The following MYL3 variants were observed in gnomAD, a reference collection of about 807,000 sequenced individuals.
MYL3 encodes CMLC1.
Under a neutral mutation model 21.3 loss-of-function variants are expected in MYL3, and 11 were observed. The observed-to-expected ratio is 0.52, with a 90% CI of 0.32 to 0.85. MYL3 has a LOEUF of 0.85. MYL3 is among the 40% of genes least tolerant of loss of function. The pLI, the probability that MYL3 is intolerant of heterozygous loss-of-function variation, is 0.03. For missense variants in MYL3, 206 were observed against 253.3 expected (o/e 0.81, Z 1.27); for synonymous variants, 88 against 91.6 (o/e 0.96, Z 0.22).
chr3:46,862,424 A>C (rs1250533324), intron 1 of MYL3, among the ~76,000 whole-genome samples: 1 of 152,196 alleles, frequency 6.6e-6, no homozygotes. Context: ...GTCTCTGGGA[A>C]GGGCTCATGA....
In MYL3 at chr3:46,859,354, GCTCC is replaced by G; in HGVS notation, c.481+117_481+120del. 1 of 1,283,814 alleles carries G rather than the reference GCTCC, an allele frequency of 7.8e-7. No individual in the cohort carries two copies. The highest frequency in any genetic ancestry group is 2.7e-4 in the Middle Eastern group (1 of 3,742). The allele number at this position is 1,283,814 out of a possible 1,614,324, so 79.5% of individuals were successfully genotyped here. ...AACATTTCTGTTGTCTGCCATTGAG[GCTCC>G]CTAATTATGTAACTCTCTCCATTTC... On this transcript the variant is annotated intron_variant, in intron 4 of 6. Transcript: ENST00000292327. This position sits in a 1 kb window ranked among gnomAD's most constrained non-coding sequence, Gnocchi z 4.1.
intron 1 of MYL3, among the ~76,000 whole-genome samples, chr3:46,877,999 C>A (rs563291508): frequency 5.3e-5 from 8 of 152,336 alleles, no homozygotes; most frequent in Non-Finnish European, 8.8e-5. Flanking sequence ...GGTGTTATGA[C>A]AGCAGGGGGC....
intron 1 of MYL3, among the ~76,000 whole-genome samples, chr3:46,875,806 CAGGGAGCCCCAA>C (rs1451556044): frequency 6.6e-6 from 1 of 152,234 alleles, no homozygotes; most frequent in Admixed American, 6.5e-5. Flanking sequence ...TTCTGAACCT[CAGGGAGCCCCAA>C]AGGGTTTATG....
rs1488662299 is a variant in MYL3, at chr3:46,859,751, T to A, written c.308-103A>T. The A allele has an allele frequency of 2.3e-6, 3 of 1,308,086 alleles. No homozygotes were observed. Among genetic ancestry groups the A allele is most frequent in the African/African-American group, 2.9e-5 (2 of 68,754 alleles). The allele number at this position is 1,308,086 out of a possible 1,614,324, so 81.0% of individuals were successfully genotyped here. On this transcript the variant is annotated intron_variant, in intron 3 of 6. Transcript: ENST00000292327. The surrounding 1 kb of genome is among the most constrained non-coding windows in gnomAD (Gnocchi z 4.1). ...GCTATCCCCACCTCTCACACAGTTCTACAACAGTCTACACCAGTTCTCACA... is the reference window on the plus strand; with the variant it reads ...GCTATCCCCACCTCTCACACAGTTCAACAACAGTCTACACCAGTTCTCACA...
upstream of MYL3, among the ~76,000 whole-genome samples, chr3:46,863,985 T>C (rs1702021815): frequency 6.6e-6 from 1 of 151,758 alleles, no homozygotes; most frequent in South Asian, 2.1e-4. Context: ...TCTATGTGTC[T>C]GTGGGTCTCT....
Position 46,860,613 on chromosome 3 carries a change from G to T in MYL3, c.307+63C>A. The T allele has an allele frequency of 6.3e-7, 1 of 1,599,622 alleles. No individual in the cohort carries two copies. Among genetic ancestry groups the T allele is most frequent in the Non-Finnish European group, 8.5e-7 (1 of 1,176,684 alleles). On this transcript the variant is annotated intron_variant, in intron 3 of 6. Transcript: ENST00000292327. This position sits in a 1 kb window ranked among gnomAD's most constrained non-coding sequence, Gnocchi z 4.6. ...CTCGTGCTATCCCGCAGGATGGATG[G>T]CAGCCCACCCAGCCAGTCTCCCCGG...
At position 46,859,099 on chromosome 3, in the gene MYL3, C is replaced by G. The variant is rs1701962875; in HGVS notation, c.481+376G>C. 6.6e-6 allele frequency among the ~76,000 whole-genome samples: 1 copy of G among 152,130 alleles called. No homozygotes were observed. Among genetic ancestry groups the G allele is most frequent in the Non-Finnish European group, 1.5e-5 (1 of 68,024 alleles). On this transcript the variant is annotated intron_variant, in intron 4 of 6. Transcript: ENST00000292327. This position sits in a 1 kb window ranked among gnomAD's most constrained non-coding sequence, Gnocchi z 4.1. ...TAAGTGGGAGGTACACAGGGCTCCA[C>G]AGAGGTCAGGATCCCCCCAGGCGGC...
intron 1 of MYL3, among the ~76,000 whole-genome samples, chr3:46,870,659 T>C (rs908898381): frequency 3.3e-5 from 5 of 152,192 alleles, no homozygotes; most frequent in African/African-American, 1.2e-4. Flanking sequence ...TGAGTATTTA[T>C]GTATCCACCC....
intron 1 of MYL3, among the ~76,000 whole-genome samples, chr3:46,871,069 C>T (rs1169364056): frequency 6.6e-6 from 1 of 152,216 alleles, no homozygotes; most frequent in East Asian, 1.9e-4. Flanking sequence ...CATTCACATG[C>T]CTTTGCATAC....
intron 1 of MYL3, among the ~76,000 whole-genome samples, chr3:46,880,853 C>G (rs1308169153): frequency 1.3e-5 from 2 of 152,206 alleles, no homozygotes; most frequent in Non-Finnish European, 2.9e-5. Flanking sequence ...AGGGTGGCTG[C>G]AGCTGGATCC....
In MYL3 at chr3:46,879,295, G is replaced by A. The variant is rs750338601; in HGVS notation, c.-218+2779C>T. Among the ~76,000 whole-genome samples, 1 of 152,140 alleles carries A rather than the reference G, an allele frequency of 6.6e-6. No individual in the cohort carries two copies. The highest frequency in any genetic ancestry group is 6.5e-5 in the Admixed American group (1 of 15,276). ...TGTTTCCAAATCTCAAGTTTTCCCT[G>A]GTGTCAGATCTGAAAAGAACTCCTC... On this transcript the variant is annotated intron_variant, in intron 1 of 3. Coordinates refer to the MYL3 transcript ENST00000431168. This position sits in a 1 kb window ranked among gnomAD's most constrained non-coding sequence, Gnocchi z 4.7.
chr3:46,870,753 C>A (rs1702101598), intron 1 of MYL3, among the ~76,000 whole-genome samples: 1 of 152,146 alleles, frequency 6.6e-6, no homozygotes, highest in African/African-American at 2.4e-5. Context: ...TCTGGAGATA[C>A]CTATGGGCCC....
At chr3:46,863,686 C>CACACACAT (rs999237341), upstream of MYL3, among the ~76,000 whole-genome samples, 2 of 152,156 alleles carry the variant, frequency 1.3e-5, no homozygotes, top group Admixed American at 1.3e-4. Flanking sequence ...CACTGCTTAA[C>CACACACAT]ACACACATAC....
Position 46,858,009 on chromosome 3 carries a change from G to C in MYL3, c.*106C>G. On this transcript the variant is annotated 3_prime_UTR_variant, in exon 7 of 7. Transcript: ENST00000292327. ...TCCAAGGGTTTTTGCAGGAGTCTTG[G>C]TAAGGCTCCCCTCCTTCCCACGACT... The C allele has an allele frequency of 1.6e-6, 1 of 610,198 alleles. No individual in the cohort carries two copies. Among genetic ancestry groups the C allele is most frequent in the Admixed American group, 2.7e-5 (1 of 37,462 alleles). The allele number at this position is 610,198 out of a possible 1,614,324, so 37.8% of individuals were successfully genotyped here.
chr3:46,862,002 T>C (rs1701998140), intron 1 of MYL3, among the ~76,000 whole-genome samples: 1 of 152,122 alleles, frequency 6.6e-6, no homozygotes, highest in South Asian at 2.1e-4. Context: ...CCCTGAGAGC[T>C]CTCTCCACCA....
rs2030132715 is a variant in MYL3, at chr3:46,874,920, G to A, written c.-218+7154C>T. 6.6e-6 allele frequency among the ~76,000 whole-genome samples: 1 copy of A among 152,182 alleles called. No homozygotes were observed. ...CTGATGAAAGGGGATCTGGTGGGGAGGCCTTTCTCCTACCCCACTCCCCGC... is the reference window on the plus strand; with the variant it reads ...CTGATGAAAGGGGATCTGGTGGGGAAGCCTTTCTCCTACCCCACTCCCCGC... On this transcript the variant is annotated intron_variant, in intron 1 of 3. Coordinates refer to the MYL3 transcript ENST00000431168. This position sits in a 1 kb window ranked among gnomAD's most constrained non-coding sequence, Gnocchi z 4.1.
chr3:46,879,145 G>T lies in MYL3; in HGVS notation c.-218+2929C>A, dbSNP rs2106938353. Among the ~76,000 whole-genome samples, 1 of 152,290 alleles carries T rather than the reference G, an allele frequency of 6.6e-6. No individual in the cohort carries two copies. Among genetic ancestry groups the T allele is most frequent in the African/African-American group, 2.4e-5 (1 of 41,542 alleles). ...CCCACAGCTGTGGAATGTCCAGCAG[G>T]GGACTCTGGGGTGAGGCACATGAGT... On this transcript the variant is annotated intron_variant, in intron 1 of 3. Transcript: ENST00000431168. The surrounding 1 kb of genome is among the most constrained non-coding windows in gnomAD (Gnocchi z 4.7).
chr3:46,862,427 G>C (rs560739978), intron 1 of MYL3, among the ~76,000 whole-genome samples: 1 of 152,338 alleles, frequency 6.6e-6, no homozygotes, highest in South Asian at 2.1e-4. Flanking sequence ...TCTGGGAAGG[G>C]CTCATGAACA....
intron 4 of MYL3, 45 bp from the exon 5 acceptor site, chr3:46,858,506 A>G: frequency 1.9e-6 from 3 of 1,593,904 alleles, no homozygotes; most frequent in Non-Finnish European, 2.6e-6. Flanking sequence ...GTGCAGAGGC[A>G]TGATGGGGTG....
Sources: allele counts gnomAD v4.1 joint callset (sites outside exome capture counted in the v4.1 genomes callset), GRCh38; gene constraint gnomAD v4.1.1; non-coding constraint Gnocchi (gnomAD v3.1); transcripts MANE v1.5; gene names NCBI Gene and HGNC (gene_info 2026-07-23, HGNC 2026-07-21).